The following CCDC187 variants were observed in gnomAD, a reference collection of about 807,000 sequenced individuals.
The protein encoded by CCDC187 is coiled-coil domain containing 187, also known as coiled-coil domain-containing protein 187.
Under a neutral mutation model 38.0 loss-of-function variants are expected in CCDC187, and 32 were observed. That is an observed-to-expected ratio of 0.84 (90% CI 0.64 to 1.13). The LOEUF is 1.13. CCDC187 is among the 50% of genes most tolerant of loss of function. The pLI is 0.00. For missense variants in CCDC187, 707 were observed against 786.8 expected (o/e 0.90, Z 1.21); for synonymous variants, 333 against 347.9 (o/e 0.96, Z 0.48).
intron 14 of CCDC187, among the ~76,000 whole-genome samples, chr9:136,271,203 C>T (rs911768645): frequency 5.3e-5 from 8 of 152,128 alleles, no homozygotes; most frequent in Admixed American, 1.3e-4. Flanking sequence ...ATCCACAGGT[C>T]GAAGAATCTC....
Position 136,286,596 on chromosome 9 carries a change from C to G in CCDC187, c.2322G>C (p.Leu774=), listed in dbSNP as rs1831187687. The G allele has an allele frequency of 2.5e-6, 1 of 398,710 alleles. No homozygotes were observed. Among genetic ancestry groups the G allele is most frequent in the African/African-American group, 2.1e-5 (1 of 48,646 alleles). The allele number at this position is 398,710 out of a possible 1,614,324, so 24.7% of individuals were successfully genotyped here. The change falls in exon 8 of 26, where the codon CTG becomes CTC. Residue 774 remains leucine (L), a synonymous_variant. Coordinates refer to ENST00000638797, the MANE Select transcript of CCDC187 (RefSeq NM_001378188.1). ...PQDGRDAPVL[L]SASPSLGSLE... is the part of the protein sequence containing the mutation. ...GGGATCCCAGAGAGGGTGAAGCTGA[C>G]AGCAGCACGGGGGCATCCCGGCCAT... is the stretch of plus-strand genomic sequence containing the variant.
At position 136,254,778 on chromosome 9, in the gene CCDC187, G is replaced by A. The variant is rs1294895041; in HGVS notation, c.5050C>T (p.Arg1684Trp). The change falls in exon 26 of 26, where the codon CGG becomes TGG. Residue 1684 changes from arginine to tryptophan, a missense_variant. Physicochemically the swap from Arg to Trp is moderately radical, Grantham distance 101. Coordinates refer to ENST00000638797, the MANE Select transcript of CCDC187 (RefSeq NM_001378188.1). Reference sequence around the variant, plus strand: ...GGCCGAGGCTCACCCTGGTTTGACCGCCAGGACAAAGGCAGGCCAGCTTCC... The same window carrying A: ...GGCCGAGGCTCACCCTGGTTTGACCACCAGGACAAAGGCAGGCCAGCTTCC... ...SGEAGLPLSWRSNQGEPRPGS... is the reference protein window; with the variant it reads ...SGEAGLPLSWWSNQGEPRPGS... The A allele has an allele frequency of 5.1e-6, 5 of 985,518 alleles. No individual in the cohort carries two copies. The highest frequency in any genetic ancestry group is 4.7e-5 in the South Asian group (1 of 21,290). The allele number at this position is 985,518 out of a possible 1,614,324, so 61.0% of individuals were successfully genotyped here.
intron 10 of CCDC187, among the ~76,000 whole-genome samples, chr9:136,280,629 C>T (rs887385138): frequency 2.0e-5 from 3 of 152,288 alleles, no homozygotes; most frequent in Admixed American, 6.5e-5. Context: ...GGGGAGGACC[C>T]GATGAGCACT....
At position 136,285,424 on chromosome 9, in the gene CCDC187, C is replaced by CGGGCAGGT. The variant is rs1391343577; in HGVS notation, c.2927+81_2927+88dup. 7.4e-5 allele frequency: 30 copies of CGGGCAGGT among 407,232 alleles called. 2 individuals are homozygous for CGGGCAGGT. Among genetic ancestry groups the CGGGCAGGT allele is most frequent in the Middle Eastern group, 6.1e-4 (1 of 1,652 alleles). The allele number at this position is 407,232 out of a possible 1,614,324, so 25.2% of individuals were successfully genotyped here. ...GTGAGAGGCAGCCCGTGAGCGTGGG[C>CGGGCAGGT]GGGCAGGTGGGCAGGTGGGCAGGTG... On this transcript the variant is annotated intron_variant, in intron 9 of 25. Coordinates refer to ENST00000638797, the MANE Select transcript of CCDC187 (RefSeq NM_001378188.1).
chr9:136,293,574 CCCA>C (rs1362835082), intron 4 of CCDC187, among the ~76,000 whole-genome samples: 1 of 152,028 alleles, frequency 6.6e-6, no homozygotes, highest in African/African-American at 2.4e-5. Context: ...CACACACGTG[CCCA>C]CAACTCCCTC....
Position 136,257,329 on chromosome 9 carries a change from C to T in CCDC187, c.4367-488G>A, listed in dbSNP as rs568265688. ...CGGAGGTTGCAGTGAGCCAAGATCA[C>T]GCTACTGTACTCCAGCTGGGGAGAG... On this transcript the variant is annotated intron_variant, in intron 22 of 25. Transcript: ENST00000638797. The surrounding 1 kb of genome is among the most constrained non-coding windows in gnomAD (Gnocchi z 4.5). Among the ~76,000 whole-genome samples the T allele has an allele frequency of 7.9e-5, 12 of 152,122 alleles. No homozygotes were observed. The highest frequency in any genetic ancestry group is 6.2e-4 in the South Asian group (3 of 4,816).
rs566075141 is a variant in CCDC187 at position 136,249,980 on chromosome 9, T to C, written c.*3614A>G. ...GAAAGATAATGACTTCTCTGGAGGC[T>C]GGTATCAAGATTTATTGGCCCAAGC... On this transcript the variant is annotated 3_prime_UTR_variant, in exon 26 of 26. Coordinates refer to ENST00000638797, the MANE Select transcript of CCDC187 (RefSeq NM_001378188.1). 51 of 152,356 alleles carry C rather than the reference T, an allele frequency of 3.3e-4. No homozygotes were observed. Among genetic ancestry groups the C allele is most frequent in the African/African-American group, 1.2e-3 (50 of 41,574 alleles). 9.4% of individuals were successfully genotyped at this position (152,356 alleles called of 1,614,324 possible).
chr9:136,272,476 G>T (rs1218949701), intron 14 of CCDC187, among the ~76,000 whole-genome samples: 2 of 152,252 alleles, frequency 1.3e-5, no homozygotes, highest in African/African-American at 4.8e-5. Context: ...ATCGAGGCAG[G>T]TGGATCACCT....
At chr9:136,296,196 T>C (rs1831531349) in intron 4 of CCDC187, 1 of 152,368 alleles carries the variant, frequency 6.6e-6, no homozygotes. Context: ...AGGGCTGTGA[T>C]TGCACGCAGT....
chr9:136,302,325 A>G (rs1831705532), intron 2 of CCDC187, among the ~76,000 whole-genome samples: 1 of 152,032 alleles, frequency 6.6e-6, no homozygotes, highest in African/African-American at 2.4e-5. Context: ...GCCGTTTCCA[A>G]ACTTCTTTAG....
rs972283964 is a variant in CCDC187 at position 136,251,400 on chromosome 9, C to T, written c.*2194G>A. The T allele has an allele frequency of 4.1e-6, 1 of 243,498 alleles. No individual in the cohort carries two copies. The highest frequency in any genetic ancestry group is 2.2e-5 in the African/African-American group (1 of 45,036). The allele number at this position is 243,498 out of a possible 1,614,324, so 15.1% of individuals were successfully genotyped here. ...GGCTGCGCAGAAATGACCTTGGGCC[C>T]TTGAGCCGTGGCTTCCTCTGGTCTG... On this transcript the variant is annotated 3_prime_UTR_variant, in exon 26 of 26. Transcript: ENST00000638797.
In CCDC187 at chr9:136,254,579, G is replaced by A; in HGVS notation, c.5249C>T (p.Ser1750Leu). ...GGAGGCCTCTGACAGCTCTGACCCT[G>A]ACCTTGGAGAGGGGATGTCTGGGAA... ...LPFPDIPSPR[S>L]GSELSEASSK... is the part of the protein sequence containing the mutation. The change falls in exon 26 of 26, where the codon TCA becomes TTA. Residue 1750 changes from serine to leucine, a missense_variant. Physicochemically the swap from Ser to Leu is moderately radical, Grantham distance 145 (BLOSUM62 -2). Coordinates refer to ENST00000638797, the MANE Select transcript of CCDC187 (RefSeq NM_001378188.1). The A allele has an allele frequency of 1.0e-6, 1 of 985,520 alleles. No homozygotes were observed. The highest frequency in any genetic ancestry group is 4.7e-5 in the South Asian group (1 of 21,292). 61.0% of individuals were successfully genotyped at this position (985,520 alleles called of 1,614,324 possible). A position where few individuals can be genotyped will look rare whatever the true frequency, so the allele number is the denominator to read the frequency against.
intron 4 of CCDC187, among the ~76,000 whole-genome samples, chr9:136,297,344 G>A (rs1427489390): frequency 6.6e-6 from 1 of 152,102 alleles, no homozygotes; most frequent in African/African-American, 2.4e-5. Flanking sequence ...CGGGTACCGT[G>A]AGCTGCCAGT....
At chr9:136,297,898 C>T (rs1028017797) in intron 3 of CCDC187, 77 bp from the exon 4 acceptor site, 46 of 395,604 alleles carry the variant, frequency 1.2e-4, no homozygotes, top group African/African-American at 8.0e-4. Context: ...CACGTGGCTA[C>T]CCCGGGGTCC....
rs1441500104 is a variant in CCDC187 at position 136,275,460 on chromosome 9, ACACACACCCACACGCGTG to A, written c.3226-471_3226-454del. 1.4e-3 allele frequency among the ~76,000 whole-genome samples: 211 copies of A among 152,096 alleles called. 1 individual carries two copies. Among genetic ancestry groups the A allele is most frequent in the South Asian group, 7.1e-3 (34 of 4,818 alleles). On this transcript the variant is annotated intron_variant, in intron 12 of 25. Coordinates refer to ENST00000638797, the MANE Select transcript of CCDC187 (RefSeq NM_001378188.1). ...TGTACTCCCACACACACACACGTGCACACACACCCACACGCGTGCACACACCCACACGTGTGCACGCAC... is the reference window on the plus strand; with the variant it reads ...TGTACTCCCACACACACACACGTGCACACACACCCACACGTGTGCACGCAC...
intron 24 of CCDC187, 105 bp from the exon 25 acceptor site, chr9:136,255,838 C>G (rs184049301): frequency 2.0e-6 from 1 of 490,596 alleles, no homozygotes. Context: ...ACAGCTCACA[C>G]TCGAAAAACA....
rs893754990 is a variant in CCDC187 at position 136,256,236 on chromosome 9, C to G, written c.4591G>C (p.Glu1531Gln). ...CTCTGCTCCCCCGATCGCCAGCTCT[C>G]GGTTTCCTGGGACTCCTCCACGGGG... ...ESPVEESQET[E>Q]SWRSGEQRTE... The change falls in exon 24 of 26, where the codon GAG becomes CAG. Residue 1531 changes from glutamate to glutamine, a missense_variant. Physicochemically the swap from Glu to Gln is conservative, Grantham distance 29. Transcript: ENST00000638797. 2.0e-6 allele frequency: 2 copies of G among 985,484 alleles called. No individual in the cohort carries two copies. The highest frequency in any genetic ancestry group is 2.4e-6 in the Non-Finnish European group (2 of 830,080). The allele number at this position is 985,484 out of a possible 1,614,324, so 61.0% of individuals were successfully genotyped here.
intron 14 of CCDC187, among the ~76,000 whole-genome samples, chr9:136,274,210 C>T (rs1830888107): frequency 2.0e-5 from 3 of 152,360 alleles, no homozygotes; most frequent in South Asian, 4.1e-4. Context: ...CATGCCAGCT[C>T]AGAGGAGCTG....
chr9:136,284,474 G>A (rs1321818158), intron 9 of CCDC187, among the ~76,000 whole-genome samples: 1 of 152,180 alleles, frequency 6.6e-6, no homozygotes, highest in Non-Finnish European at 1.5e-5. Flanking sequence ...TTCCGGGGCT[G>A]CCTGGGAAGC....
Sources: allele counts gnomAD v4.1 joint callset (sites outside exome capture counted in the v4.1 genomes callset), GRCh38; gene constraint gnomAD v4.1.1; non-coding constraint Gnocchi (gnomAD v3.1); transcripts MANE v1.5; gene names NCBI Gene and HGNC (gene_info 2026-07-23, HGNC 2026-07-21).